The following FREM2 variants were observed in gnomAD, a reference collection of about 807,000 sequenced individuals.
FREM2 encodes FRAS1 related extracellular matrix 2, also known as FRAS1-related extracellular matrix protein 2.
FREM2 carries 119 observed loss-of-function variants against 219.9 expected under a neutral mutation model. The ratio of observed to expected loss-of-function variants is 0.54; its 90% confidence interval spans 0.47 to 0.63. The LOEUF (loss-of-function observed/expected upper bound fraction) is 0.63. Among genes scored for constraint, FREM2 ranks in the 30% least tolerant of loss-of-function variants. The pLI is 0.00. For synonymous variants in FREM2, 1,562 were observed against 1,522.8 expected, an observed-to-expected ratio of 1.03 and a Z score of -0.60; for missense variants, 4,030 against 3,993.6, an observed-to-expected ratio of 1.01 and a Z score of -0.25.
rs1869493779 is a variant in FREM2 at position 38,687,275 on chromosome 13, CTTG to C, written c.-65_-63del. On this transcript the variant is annotated 5_prime_UTR_variant, in exon 1 of 24. Coordinates refer to ENST00000280481, the MANE Select transcript of FREM2 (RefSeq NM_207361.6). ...TTCCTGGCACTTCCCGGCGGTGTCT[CTTG>C]TTGTCTGCCCGGGGACCGACTTCGC... 5 of 1,549,596 alleles carry C rather than the reference CTTG, an allele frequency of 3.2e-6. No individual in the cohort carries two copies. Among genetic ancestry groups the C allele is most frequent in the African/African-American group, 1.4e-5 (1 of 73,108 alleles).
chr13:38,734,743 T>TTC (rs1314245855), intron 2 of FREM2, among the ~76,000 whole-genome samples: 1 of 143,838 alleles, frequency 7.0e-6, no homozygotes, highest in African/African-American at 2.6e-5. Context: ...CTATACTTTT[T>TTC]TTTTTTTTTT....
chr13:38,740,966 GTGTT>G (rs1872218834), intron 2 of FREM2, among the ~76,000 whole-genome samples: 1 of 152,130 alleles, frequency 6.6e-6, no homozygotes, highest in South Asian at 2.1e-4. Flanking sequence ...GCAACTCTCT[GTGTT>G]TGTGCAGATC....
At chr13:38,805,066 C>T (rs1168846658) in intron 6 of FREM2, among the ~76,000 whole-genome samples, 4 of 152,050 alleles carry the variant, frequency 2.6e-5, no homozygotes, top group African/African-American at 9.7e-5. Flanking sequence ...TATAAAAGCA[C>T]TTTAAAAACC....
At chr13:38,791,146 C>T (rs745836430) in intron 6 of FREM2, among the ~76,000 whole-genome samples, 3 of 152,120 alleles carry the variant, frequency 2.0e-5, no homozygotes, top group Non-Finnish European at 2.9e-5. Context: ...AATTTGGAAC[C>T]AGTGAATAAA....
chr13:38,826,529 T>G (rs1876294680), intron 6 of FREM2, among the ~76,000 whole-genome samples: 1 of 151,742 alleles, frequency 6.6e-6, no homozygotes, highest in Non-Finnish European at 1.5e-5. Context: ...TCGCTTTTGC[T>G]GTTTACTCTG....
intron 2 of FREM2, among the ~76,000 whole-genome samples, chr13:38,712,123 G>A (rs1870798618): frequency 6.6e-6 from 1 of 151,586 alleles, no homozygotes; most frequent in South Asian, 2.1e-4. Flanking sequence ...GTTTCACCAT[G>A]TTCCTCGTGA....
chr13:38,854,969 T>C (rs1877500744), intron 11 of FREM2, among the ~76,000 whole-genome samples: 1 of 152,170 alleles, frequency 6.6e-6, no homozygotes, highest in African/African-American at 2.4e-5. Flanking sequence ...CTTTATAGGC[T>C]TTATATTTTC....
chr13:38,858,341 G>A (rs902822096), intron 13 of FREM2, among the ~76,000 whole-genome samples: 1 of 152,044 alleles, frequency 6.6e-6, no homozygotes, highest in Non-Finnish European at 1.5e-5. Context: ...ATAGGAATTG[G>A]TAACTCTAAT....
At chr13:38,751,263 A>G (rs1311276986) in intron 2 of FREM2, among the ~76,000 whole-genome samples, 1 of 151,308 alleles carries the variant, frequency 6.6e-6, no homozygotes, top group Non-Finnish European at 1.5e-5. Flanking sequence ...ATTCACATCA[A>G]CAGTGTACAG....
chr13:38,822,691 C>A (rs1876115421), intron 6 of FREM2, among the ~76,000 whole-genome samples: 1 of 152,046 alleles, frequency 6.6e-6, no homozygotes, highest in Non-Finnish European at 1.5e-5. Flanking sequence ...TGGTCCTCAA[C>A]ATATATTTTG....
intron 2 of FREM2, among the ~76,000 whole-genome samples, chr13:38,747,517 C>T (rs1409887441): frequency 3.3e-5 from 5 of 151,798 alleles, no homozygotes; most frequent in African/African-American, 4.8e-5. Flanking sequence ...CACACACACA[C>T]ACACATTTAT....
rs201707148 is a variant in FREM2, at chr13:38,880,715, C to G, written c.9438C>G (p.Ala3146=). ...RGKESFRGKD[A]PKGSSSSEPM... is the part of the protein sequence containing the mutation. ...AGGAAAGTTTCAGGGGGAAGGATGCCCCGAAAGGCTCCAGCAGCAGTGAGC... is the reference window on the plus strand; with the variant it reads ...AGGAAAGTTTCAGGGGGAAGGATGCGCCGAAAGGCTCCAGCAGCAGTGAGC... The change falls in exon 24 of 24, where the codon GCC becomes GCG. Residue 3146 remains alanine (A), a synonymous_variant. Coordinates refer to ENST00000280481, the MANE Select transcript of FREM2 (RefSeq NM_207361.6). 33 of 1,613,964 alleles carry G rather than the reference C, an allele frequency of 2.0e-5. No homozygotes were observed. Among genetic ancestry groups the G allele is most frequent in the Non-Finnish European group, 2.8e-5 (33 of 1,180,026 alleles).
rs762752015 is a variant in FREM2 at position 38,690,450 on chromosome 13, C to T, written c.3106C>T (p.Leu1036=). Residue 1036 remains leucine (L), a synonymous_variant, in exon 1 of 24, where the codon CTG becomes TTG. Coordinates refer to ENST00000280481, the MANE Select transcript of FREM2 (RefSeq NM_207361.6). ...TAAAGCGGATTCTTTTAACCTGAGT[C>T]TGTCAGATATGTCTCAAGAATGGAG... ...LPKADSFNLS[L]SDMSQEWRIG... is the part of the protein sequence containing the mutation. 3.7e-6 allele frequency: 6 copies of T among 1,614,214 alleles called. No homozygotes were observed. Among genetic ancestry groups the T allele is most frequent in the Non-Finnish European group, 4.2e-6 (5 of 1,180,036 alleles).
intron 16 of FREM2, among the ~76,000 whole-genome samples, chr13:38,867,303 A>G (rs1878004658): frequency 6.6e-6 from 1 of 152,254 alleles, no homozygotes; most frequent in East Asian, 1.9e-4. Flanking sequence ...CTTCTGAAAG[A>G]CTTCTGCTTT....
chr13:38,763,185 T>G (rs910284988), intron 2 of FREM2, among the ~76,000 whole-genome samples: 7 of 152,210 alleles, frequency 4.6e-5, no homozygotes, highest in African/African-American at 1.7e-4. Flanking sequence ...GAAAACAATT[T>G]CCCTACATAA....
At position 38,688,901 on chromosome 13, in the gene FREM2, C is replaced by T. The variant is rs1408108054; in HGVS notation, c.1557C>T (p.Tyr519=). ...AGCTGGCAGCCGGCCAGGTGGTCTA[C>T]CAGCATGATGACAGAGACGGCTCGC... is the stretch of plus-strand genomic sequence containing the variant. ...VAELAAGQVV[Y]QHDDRDGSLS... is the part of the protein sequence containing the mutation. The change falls in exon 1 of 24, where the codon TAC becomes TAT. Residue 519 remains tyrosine, a synonymous_variant. Transcript: ENST00000280481. 1 of 1,612,872 alleles carries T rather than the reference C, an allele frequency of 6.2e-7. No homozygotes were observed. The highest frequency in any genetic ancestry group is 8.5e-7 in the Non-Finnish European group (1 of 1,179,422).
Position 38,687,682 on chromosome 13 carries a change from A to G in FREM2, c.338A>G (p.Asp113Gly), listed in dbSNP as rs1869539267. 2 of 1,587,486 alleles carry G rather than the reference A, an allele frequency of 1.3e-6. No homozygotes were observed. Among genetic ancestry groups the G allele is most frequent in the Non-Finnish European group, 8.6e-7 (1 of 1,164,940 alleles). Reference sequence around the variant, plus strand: ...TGCGCGGTTTCGGTACTAGACAACGACGCACTGGCCCAGCGACCGGGCCGC... The same window carrying G: ...TGCGCGGTTTCGGTACTAGACAACGGCGCACTGGCCCAGCGACCGGGCCGC... ...DRCAVSVLDNDALAQRPGRLS... is the reference protein window; with the variant it reads ...DRCAVSVLDNGALAQRPGRLS... The change falls in exon 1 of 24, where the codon GAC becomes GGC. Residue 113 changes from aspartate to glycine, a missense_variant. Around this residue, in one of 2 missense-constraint regions of FREM2, gnomAD observed 3,102 missense variants for 2,950.7 expected, o/e 1.05. Coordinates refer to ENST00000280481, the MANE Select transcript of FREM2 (RefSeq NM_207361.6).
chr13:38,731,492 T>C (rs1871765461), intron 2 of FREM2, among the ~76,000 whole-genome samples: 1 of 152,146 alleles, frequency 6.6e-6, no homozygotes, highest in Non-Finnish European at 1.5e-5. Flanking sequence ...TACTTTATTA[T>C]CTAACTAGAA....
chr13:38,800,266 G>A (rs1003652052), intron 6 of FREM2, among the ~76,000 whole-genome samples: 1 of 152,074 alleles, frequency 6.6e-6, no homozygotes, highest in Non-Finnish European at 1.5e-5. Flanking sequence ...AATTTAATCA[G>A]CATTTTCTTA....
Sources: allele counts gnomAD v4.1 joint callset (sites outside exome capture counted in the v4.1 genomes callset), GRCh38; gene constraint gnomAD v4.1.1; regional missense constraint gnomAD v4.1.1; transcripts MANE v1.5; gene names NCBI Gene and HGNC (gene_info 2026-07-23, HGNC 2026-07-21).